Variants in RCHY1 observed in about 807,000 individuals in gnomAD.
RCHY1 encodes RING finger and CHY zinc finger domain-containing protein 1.
RCHY1 carries 21 observed loss-of-function variants against 41.6 expected under a neutral mutation model. The observed-to-expected ratio is 0.51, with a 90% CI of 0.36 to 0.73. The LOEUF (loss-of-function observed/expected upper bound fraction) is 0.73. Ranked by LOEUF, RCHY1 falls within the 30% of genes least tolerant of loss-of-function variation. The probability of loss-of-function intolerance (pLI) is 0.00; values close to 1 mark genes in which losing one functional copy is unlikely to be tolerated. For missense variants in RCHY1, 265 were observed against 325.3 expected, an observed-to-expected ratio of 0.81 and a Z score of 1.43; for synonymous variants, 79 against 102.9, an observed-to-expected ratio of 0.77 and a Z score of 1.41.
At chr4:75,488,640 A>G (rs6836107) in intron 8 of RCHY1, among the ~76,000 whole-genome samples, 39,193 of 152,104 alleles carry the variant, frequency 0.26, 5,425 homozygotes, top group African/African-American at 0.35. Flanking sequence ...CAAATTACCT[A>G]TAATAACCCT....
chr4:75,514,136 C>T, intron 1 of RCHY1, 61 bp downstream of exon 1: 1 of 1,571,332 alleles, frequency 6.4e-7, no homozygotes, highest in Non-Finnish European at 8.7e-7. Context: ...ACCACCTGCC[C>T]AGCCCGCCCC....
chr4:75,488,689 A>G (rs1282329165), intron 8 of RCHY1, among the ~76,000 whole-genome samples: 1 of 152,202 alleles, frequency 6.6e-6, no homozygotes, highest in African/African-American at 2.4e-5. Flanking sequence ...GGTATTTAAG[A>G]GGACACAAAT....
At chr4:75,507,731 G>A (rs1451249861) in intron 3 of RCHY1, among the ~76,000 whole-genome samples, 3 of 151,960 alleles carry the variant, frequency 2.0e-5, no homozygotes, top group Non-Finnish European at 4.4e-5. Context: ...AAGATAAAAA[G>A]ACACATTATA....
chr4:75,490,453 A>C (rs1722640856), intron 8 of RCHY1, 128 bp downstream of exon 8: 4 of 590,404 alleles, frequency 6.8e-6, no homozygotes, highest in Non-Finnish European at 1.1e-5. Context: ...GCTTTCCATT[A>C]ATCATCACAT....
chr4:75,487,588 T>C (rs1722203600), intron 8 of RCHY1, among the ~76,000 whole-genome samples: 1 of 89,732 alleles, frequency 1.1e-5, no homozygotes, highest in African/African-American at 5.4e-5. Flanking sequence ...ATATATATAT[T>C]CATAATATAT....
chr4:75,505,799 C>G (rs1724242220), intron 3 of RCHY1, among the ~76,000 whole-genome samples: 1 of 152,078 alleles, frequency 6.6e-6, no homozygotes, highest in African/African-American at 2.4e-5. Flanking sequence ...CAACTGAGTG[C>G]TTGAAGGGCA....
At chr4:75,501,316 T>C (rs1043993417) in intron 3 of RCHY1, among the ~76,000 whole-genome samples, 8 of 152,174 alleles carry the variant, frequency 5.3e-5, no homozygotes, top group Non-Finnish European at 1.2e-4. Flanking sequence ...GCTCTTTTAA[T>C]ATTTTTATTA....
chr4:75,484,921 T>C (rs184754304), intron 8 of RCHY1, among the ~76,000 whole-genome samples: 7 of 152,156 alleles, frequency 4.6e-5, no homozygotes, highest in Admixed American at 2.6e-4. Context: ...ATTAGACTCA[T>C]CTAAGAATGC....
intron 4 of RCHY1, among the ~76,000 whole-genome samples, chr4:75,492,793 TA>T (rs1485836146): frequency 4.6e-5 from 7 of 151,970 alleles, no homozygotes; most frequent in Non-Finnish European, 1.0e-4. Context: ...AGCTTAATAG[TA>T]AGTTTAAAAA....
At position 75,482,391 on chromosome 4, in the gene RCHY1, C is replaced by A. The variant is rs536265136; in HGVS notation, c.*147G>T. ...TCTATCAAGAGACCCTGAATCCTTA[C>A]GTACTTGTAATATGATTTTATGCTG... On this transcript the variant is annotated 3_prime_UTR_variant, in exon 9 of 9. Transcript: ENST00000324439. The A allele has an allele frequency of 3.4e-6, 2 of 589,370 alleles. No homozygotes were observed. The highest frequency in any genetic ancestry group is 5.3e-6 in the Non-Finnish European group (2 of 375,136). The allele number at this position is 589,370 out of a possible 1,614,324, so 36.5% of individuals were successfully genotyped here. A position where few individuals can be genotyped will look rare whatever the true frequency, so the allele number is the denominator to read the frequency against.
chr4:75,491,509 T>C, intron 7 of RCHY1, 102 bp downstream of exon 7: 1 of 995,786 alleles, frequency 1.0e-6, no homozygotes, highest in Non-Finnish European at 1.5e-6. Context: ...AATATTGCCA[T>C]GCCCAATATA....
chr4:75,490,904 CT>C, intron 7 of RCHY1: 1 of 423,886 alleles, frequency 2.4e-6, no homozygotes, highest in Non-Finnish European at 4.2e-6. Context: ...AAAACTAAGT[CT>C]TTTTCCTCAG....
At chr4:75,511,177 T>G (rs187955592) in intron 1 of RCHY1, among the ~76,000 whole-genome samples, 1 of 152,322 alleles carries the variant, frequency 6.6e-6, no homozygotes, top group Non-Finnish European at 1.5e-5. Flanking sequence ...GAATACCAGT[T>G]CAGTGAGTTA....
intron 8 of RCHY1, among the ~76,000 whole-genome samples, chr4:75,484,225 CT>C (rs1049916760): frequency 3.9e-5 from 6 of 152,170 alleles, no homozygotes; most frequent in Non-Finnish European, 8.8e-5. Flanking sequence ...CCGTTAGGCC[CT>C]TTGTGTCCAC....
At position 75,509,185 on chromosome 4, in the gene RCHY1, T is replaced by C; in HGVS notation, c.202A>G (p.Ile68Val). 1 of 1,610,024 alleles carries C rather than the reference T, an allele frequency of 6.2e-7. No individual in the cohort carries two copies. The highest frequency in any genetic ancestry group is 8.5e-7 in the Non-Finnish European group (1 of 1,178,460). ...ATGTCATAAAATCTTACATGTTGAA[T>C]TTTTTCACAGTTTATGCACTGCACT... ...KEVQCINCEKIQHAQQTCEEC... is the reference protein window; with the variant it reads ...KEVQCINCEKVQHAQQTCEEC... The change falls in exon 2 of 9, where the codon ATT (isoleucine) becomes GTT (valine). Residue 68 changes from isoleucine (I) to valine (V), a missense_variant. Ile to Val is a conservative substitution (Grantham distance 29, BLOSUM62 3). Coordinates refer to ENST00000324439, the MANE Select transcript of RCHY1 (RefSeq NM_015436.4).
intron 3 of RCHY1, among the ~76,000 whole-genome samples, chr4:75,506,019 A>G (rs1354839894): frequency 1.3e-5 from 2 of 151,952 alleles, no homozygotes; most frequent in African/African-American, 2.4e-5. Flanking sequence ...TTCCACCACG[A>G]AAGAGATGGG....
Position 75,514,167 on chromosome 4 carries a change from T to C in RCHY1, c.90+30A>G, listed in dbSNP as rs144594517. On this transcript the variant is annotated intron_variant, in intron 1 of 8. Transcript: ENST00000324439. ...GCCCCAGCCCAACCTGACGGAAGCT[T>C]GTCAGGGAAGAGTCCATAGAAGGCG... 6.7e-4 allele frequency: 1,074 copies of C among 1,591,282 alleles called. 7 individuals are homozygous for C. Among genetic ancestry groups the C allele is most frequent in the Middle Eastern group, 6.5e-3 (39 of 5,972 alleles).
At chr4:75,498,179 A>C (rs757784088) in intron 3 of RCHY1, among the ~76,000 whole-genome samples, 7 of 151,698 alleles carry the variant, frequency 4.6e-5, no homozygotes, top group Non-Finnish European at 7.4e-5. Context: ...CAGAAATACA[A>C]AGATAGATAC....
intron 8 of RCHY1, among the ~76,000 whole-genome samples, chr4:75,483,853 TTATC>T (rs1354050307): frequency 2.6e-5 from 4 of 152,266 alleles, no homozygotes; most frequent in African/African-American, 9.6e-5. Context: ...TAACCAAAAA[TTATC>T]TAGCCAGAAT....
Sources: allele counts gnomAD v4.1 joint callset (sites outside exome capture counted in the v4.1 genomes callset), GRCh38; gene constraint gnomAD v4.1.1; transcripts MANE v1.5; gene names NCBI Gene and HGNC (gene_info 2026-07-23, HGNC 2026-07-21).